Variants in EHMT1 observed in about 807,000 individuals in gnomAD.
EHMT1 encodes histone-lysine N-methyltransferase EHMT1.
A neutral mutation model predicts 147.2 loss-of-function variants in EHMT1; 15 were observed. The ratio of observed to expected loss-of-function variants is 0.10; its 90% CI spans 0.07 to 0.16. The LOEUF (loss-of-function observed/expected upper bound fraction) is 0.16. EHMT1 is among the 10% of genes least tolerant of loss of function. The pLI is 1.00. For synonymous variants in EHMT1, 795 were observed against 709.6 expected, an observed-to-expected ratio of 1.12 and a Z score of -1.91; for missense variants, 1,587 against 1,772.4, an observed-to-expected ratio of 0.90 and a Z score of 1.88.
intron 1 of EHMT1, among the ~76,000 whole-genome samples, chr9:137,668,150 C>T (rs190228603): frequency 1.2e-4 from 19 of 152,254 alleles, no homozygotes; most frequent in East Asian, 3.9e-4. Context: ...GAAGAAGGGA[C>T]GCACTGATCG....
chr9:137,624,809 G>T (rs1360070368), intron 1 of EHMT1, among the ~76,000 whole-genome samples: 3 of 151,878 alleles, frequency 2.0e-5, no homozygotes, highest in Admixed American at 6.6e-5. Context: ...TGTTGCCCAG[G>T]CTGGTCTTGA....
At chr9:137,722,169 C>T (rs1038879660) in intron 3 of EHMT1, among the ~76,000 whole-genome samples, 2 of 152,168 alleles carry the variant, frequency 1.3e-5, no homozygotes, top group Non-Finnish European at 2.9e-5. Context: ...GCTTTTATTA[C>T]AGTCCTACTT....
chr9:137,825,627 A>G (rs528907696), intron 25 of EHMT1, among the ~76,000 whole-genome samples: 13 of 152,192 alleles, frequency 8.5e-5, no homozygotes, highest in Non-Finnish European at 1.5e-4. Context: ...ATGCTCTTGT[A>G]TTTGAAGGAG....
Position 137,739,621 on chromosome 9 carries a change from A to C in EHMT1, c.824-3750A>C, listed in dbSNP as rs1199000916. Among the ~76,000 whole-genome samples, 5 of 151,860 alleles carry C rather than the reference A, an allele frequency of 3.3e-5. No homozygotes were observed. In the South Asian group the frequency reaches 8.3e-4, roughly 25 times the overall value. On this transcript the variant is annotated intron_variant, in intron 4 of 26. Transcript: ENST00000460843. ...GGTCCCTGCTGGGTTCATTGTCCACACTTGGGTAGAAGCTGCAGGTCCCTA... is the reference window on the plus strand; with the variant it reads ...GGTCCCTGCTGGGTTCATTGTCCACCCTTGGGTAGAAGCTGCAGGTCCCTA...
chr9:137,823,415 A>ATT, intron 25 of EHMT1: 91 of 327,018 alleles, frequency 2.8e-4, no homozygotes, highest in Admixed American at 9.1e-4. Flanking sequence ...CGCCTGGGTA[A>ATT]TTTTTTTTTT....
intron 1 of EHMT1, among the ~76,000 whole-genome samples, chr9:137,657,336 T>G (rs935613725): frequency 7.2e-5 from 11 of 152,064 alleles, no homozygotes; most frequent in Admixed American, 2.0e-4. Context: ...GACTTCTGTT[T>G]TAACAGTGTC....
chr9:137,739,787 C>T (rs1409984433), intron 4 of EHMT1, among the ~76,000 whole-genome samples: 4 of 152,174 alleles, frequency 2.6e-5, no homozygotes, highest in African/African-American at 7.2e-5. Flanking sequence ...TTGGAGTGTT[C>T]GTGCCTTCTG....
At chr9:137,721,251 C>T (rs1182563085) in intron 3 of EHMT1, among the ~76,000 whole-genome samples, 2 of 151,234 alleles carry the variant, frequency 1.3e-5, no homozygotes, top group African/African-American at 2.4e-5. Flanking sequence ...CACACTCGCC[C>T]CCTCCCAGAC....
chr9:137,777,933 C>T lies in EHMT1; in HGVS notation c.2070C>T (p.Ser690=). ...ACGACAAGCTGCAGGGTGCAGCCTC[C>T]CACGTGCCCGAGGGCTTTGATCCAA... ...SEDDKLQGAA[S]HVPEGFDPTG... Residue 690 remains serine (S), a synonymous_variant, in exon 13 of 27, where the codon TCC becomes TCT. Coordinates refer to ENST00000460843, the MANE Select transcript of EHMT1 (RefSeq NM_024757.5). The T allele has an allele frequency of 1.9e-6, 3 of 1,613,868 alleles. No individual in the cohort carries two copies. The highest frequency in any genetic ancestry group is 2.2e-5 in the South Asian group (2 of 91,060).
rs1564811836 is a variant in EHMT1 at position 137,813,951 on chromosome 9, G to C, written c.3180+421G>C. Among the ~76,000 whole-genome samples, 1 of 151,992 alleles carries C rather than the reference G, an allele frequency of 6.6e-6. No individual in the cohort carries two copies. The highest frequency in any genetic ancestry group is 2.4e-5 in the African/African-American group (1 of 41,426). ...ACATGCCAGCTTTCCCAGCCTCCGA[G>C]TGCATGCAGCCTGGTGCCCTCACTG... On this transcript the variant is annotated intron_variant, in intron 21 of 26. Coordinates refer to ENST00000460843, the MANE Select transcript of EHMT1 (RefSeq NM_024757.5). This position sits in a 1 kb window ranked among gnomAD's most constrained non-coding sequence, Gnocchi z 4.9.
intron 4 of EHMT1, 200 bp downstream of exon 4, chr9:137,728,729 G>T: frequency 1.5e-6 from 1 of 659,968 alleles, no homozygotes; most frequent in Non-Finnish European, 2.6e-6. Flanking sequence ...TCTCATGCCA[G>T]CATTGATTTC....
rs186132087 is a variant in EHMT1, at chr9:137,817,598, A to G, written c.3461+73A>G. On this transcript the variant is annotated intron_variant, in intron 24 of 26. Transcript: ENST00000460843. Reference sequence around the variant, plus strand: ...GGAGGCCCATCTGTGTCTGTACTTCAGGAAGCCCCTCTGGGAGCAGGCACA... The same window carrying G: ...GGAGGCCCATCTGTGTCTGTACTTCGGGAAGCCCCTCTGGGAGCAGGCACA... The G allele has an allele frequency of 1.9e-6, 3 of 1,589,160 alleles. No homozygotes were observed. In the East Asian group the frequency reaches 6.7e-5, roughly 36 times the overall value.
chr9:137,767,660 A>C (rs889055309), intron 10 of EHMT1, among the ~76,000 whole-genome samples: 1 of 152,076 alleles, frequency 6.6e-6, no homozygotes, highest in Non-Finnish European at 1.5e-5. Context: ...CAAAAATACA[A>C]AAATTAGATG....
chr9:137,699,572 G>A (rs888245148), intron 1 of EHMT1, among the ~76,000 whole-genome samples: 8 of 152,252 alleles, frequency 5.3e-5, no homozygotes, highest in African/African-American at 1.7e-4. Flanking sequence ...CTACTTGGGA[G>A]GCTGAGGCAA....
chr9:137,686,956 C>A (rs1045739229), intron 1 of EHMT1, among the ~76,000 whole-genome samples: 1 of 152,052 alleles, frequency 6.6e-6, no homozygotes, highest in African/African-American at 2.4e-5. Flanking sequence ...GTCTTGATCT[C>A]CTGGCCTCAT....
Position 137,717,119 on chromosome 9 carries a change from C to G in EHMT1, c.579C>G (p.Ala193=). Residue 193 remains alanine, a synonymous_variant, in exon 3 of 27, where the codon GCC becomes GCG. Coordinates refer to ENST00000460843, the MANE Select transcript of EHMT1 (RefSeq NM_024757.5). ...SADTEDRKLP[A]PGADVKVHRA... The stretch of plus-strand genomic sequence containing the variant: ...ACACAGAGGACAGGAAGCTCCCGGC[C>G]CCTGGCGCCGACGTCAAGGTCCACA... 6.2e-7 allele frequency: 1 copy of G among 1,612,576 alleles called. No homozygotes were observed. The highest frequency in any genetic ancestry group is 8.5e-7 in the Non-Finnish European group (1 of 1,179,938).
At chr9:137,738,313 A>G (rs879644815) in intron 4 of EHMT1, among the ~76,000 whole-genome samples, 13 of 152,212 alleles carry the variant, frequency 8.5e-5, no homozygotes, top group Admixed American at 1.3e-4. Flanking sequence ...AAGATGCTCA[A>G]CGTCACTAAT....
chr9:137,673,568 T>C (rs1421581528), intron 1 of EHMT1, among the ~76,000 whole-genome samples: 1 of 152,126 alleles, frequency 6.6e-6, no homozygotes, highest in Non-Finnish European at 1.5e-5. Flanking sequence ...GTGGAGGTCA[T>C]GTCTGTGTCC....
chr9:137,797,047 A>G (rs961229009), intron 16 of EHMT1, among the ~76,000 whole-genome samples: 2 of 152,150 alleles, frequency 1.3e-5, no homozygotes, highest in African/African-American at 4.8e-5. Flanking sequence ...ATTTATGGAT[A>G]TATGTAGTAA....
Sources: gnomAD v4.1 joint callset for allele counts (sites outside exome capture counted in the v4.1 genomes callset) on GRCh38, gnomAD v4.1.1 for gene constraint, Gnocchi (gnomAD v3.1) non-coding constraint, MANE v1.5 for transcripts, NCBI Gene and HGNC (gene_info 2026-07-23, HGNC 2026-07-21) for gene names.